The following PPP3CA variants were observed in gnomAD, a reference collection of about 807,000 sequenced individuals.
PPP3CA encodes protein phosphatase 3 catalytic subunit alpha.
PPP3CA carries 14 observed loss-of-function variants against 66.5 expected under a neutral mutation model. The ratio of observed to expected loss-of-function variants is 0.21; its 90% CI spans 0.14 to 0.33. The LOEUF (loss-of-function observed/expected upper bound fraction) is 0.33. PPP3CA is among the 10% of genes least tolerant of loss of function. PPP3CA has a pLI of 1.00. For synonymous variants in PPP3CA, 232 were observed against 226.2 expected, an observed-to-expected ratio of 1.03 and a Z score of -0.23; for missense variants, 317 against 639.5, an observed-to-expected ratio of 0.50 and a Z score of 5.44.
intron 1 of PPP3CA, among the ~76,000 whole-genome samples, chr4:101,286,395 C>G: frequency 6.6e-6 from 1 of 152,228 alleles, no homozygotes. Context: ...TTGAGACACC[C>G]GACTCCTTTA....
At chr4:101,309,492 T>C (rs992174153) in intron 1 of PPP3CA, among the ~76,000 whole-genome samples, 2 of 151,806 alleles carry the variant, frequency 1.3e-5, no homozygotes, top group African/African-American at 2.4e-5. Context: ...TGGGGGGTGG[T>C]AGAGGGTGGG....
intron 10 of PPP3CA, among the ~76,000 whole-genome samples, chr4:101,050,113 G>T (rs1335597015): frequency 6.6e-6 from 1 of 152,090 alleles, no homozygotes; most frequent in Non-Finnish European, 1.5e-5. Context: ...CCCAAGTCAT[G>T]AGACTTTAAC....
intron 10 of PPP3CA, among the ~76,000 whole-genome samples, chr4:101,058,932 C>T (rs1424078281): frequency 1.3e-5 from 2 of 152,200 alleles, no homozygotes; most frequent in South Asian, 4.2e-4. Flanking sequence ...TTATTCTCTA[C>T]AGTATGTTAC....
At chr4:101,188,498 A>G (rs1724484757) in intron 2 of PPP3CA, among the ~76,000 whole-genome samples, 1 of 152,168 alleles carries the variant, frequency 6.6e-6, no homozygotes, top group African/African-American at 2.4e-5. Context: ...TACTTTTTCA[A>G]AATACATTTT....
chr4:101,134,878 A>G (rs1275648968), intron 2 of PPP3CA, among the ~76,000 whole-genome samples: 2 of 152,208 alleles, frequency 1.3e-5, no homozygotes, highest in Non-Finnish European at 2.9e-5. Flanking sequence ...GCACATATAT[A>G]CTGTGCAGCC....
At chr4:101,245,039 T>C (rs1305010268) in intron 1 of PPP3CA, among the ~76,000 whole-genome samples, 3 of 152,286 alleles carry the variant, frequency 2.0e-5, no homozygotes, top group South Asian at 4.1e-4. Context: ...AAAGAAATCT[T>C]GTGAAATTTA....
At chr4:101,097,892 T>C (rs1197879263) in intron 5 of PPP3CA, among the ~76,000 whole-genome samples, 2 of 152,302 alleles carry the variant, frequency 1.3e-5, no homozygotes, top group African/African-American at 4.8e-5. Context: ...TCAGTAAAAT[T>C]AATAAAATAT....
At chr4:101,059,539 T>C (rs1274907667) in intron 10 of PPP3CA, among the ~76,000 whole-genome samples, 1 of 152,192 alleles carries the variant, frequency 6.6e-6, no homozygotes, top group Non-Finnish European at 1.5e-5. Context: ...AGGTTTATTA[T>C]ACTTTTGCCT....
At chr4:101,087,571 A>C (rs1296412308) in intron 6 of PPP3CA, among the ~76,000 whole-genome samples, 1 of 152,116 alleles carries the variant, frequency 6.6e-6, no homozygotes, top group African/African-American at 2.4e-5. Flanking sequence ...ATCATACAGT[A>C]TCTACTGGTC....
At chr4:101,297,005 T>C (rs1728219232) in intron 1 of PPP3CA, among the ~76,000 whole-genome samples, 1 of 152,208 alleles carries the variant, frequency 6.6e-6, no homozygotes, top group Non-Finnish European at 1.5e-5. Flanking sequence ...TTTTAATATA[T>C]GCACAATTGA....
chr4:101,192,964 T>C, intron 2 of PPP3CA, among the ~76,000 whole-genome samples: 1 of 152,162 alleles, frequency 6.6e-6, no homozygotes, highest in East Asian at 1.9e-4. Flanking sequence ...AAAGATGAAA[T>C]GTAATAATCA....
chr4:101,129,506 GC>G (rs777876373), intron 2 of PPP3CA, among the ~76,000 whole-genome samples: 10 of 152,150 alleles, frequency 6.6e-5, no homozygotes, highest in Non-Finnish European at 1.5e-4. Flanking sequence ...GCTCTGGCTG[GC>G]ATCTGGTGGG....
chr4:101,173,814 G>A (rs1290964422), intron 2 of PPP3CA, among the ~76,000 whole-genome samples: 1 of 152,084 alleles, frequency 6.6e-6, no homozygotes, highest in Non-Finnish European at 1.5e-5. Context: ...ATTTTGGTAG[G>A]CCAAGGTAGG....
chr4:101,285,066 A>G (rs1727795647), intron 1 of PPP3CA, among the ~76,000 whole-genome samples: 2 of 152,062 alleles, frequency 1.3e-5, no homozygotes, highest in Non-Finnish European at 1.5e-5. Flanking sequence ...ACAAACCCAA[A>G]TACTGATGGG....
intron 2 of PPP3CA, among the ~76,000 whole-genome samples, chr4:101,144,297 C>T (rs1042698865): frequency 1.4e-4 from 22 of 152,298 alleles, no homozygotes; most frequent in African/African-American, 5.1e-4. Context: ...ATACTAAAAG[C>T]TTAAAGTACT....
chr4:101,213,992 TCCC>T (rs1415926858), intron 1 of PPP3CA, among the ~76,000 whole-genome samples: 1 of 152,056 alleles, frequency 6.6e-6, no homozygotes, highest in Non-Finnish European at 1.5e-5. Flanking sequence ...GCTCCCATCT[TCCC>T]CCCACTTTCA....
intron 1 of PPP3CA, among the ~76,000 whole-genome samples, chr4:101,245,030 A>G (rs926019283): frequency 2.6e-4 from 40 of 152,204 alleles, no homozygotes; most frequent in African/African-American, 9.6e-4. Context: ...GTATATTTCA[A>G]AGAAATCTTG....
At chr4:101,177,761 A>G (rs1344731746) in intron 2 of PPP3CA, among the ~76,000 whole-genome samples, 1 of 152,042 alleles carries the variant, frequency 6.6e-6, no homozygotes, top group Admixed American at 6.6e-5. Context: ...AAGGGCAAAT[A>G]TGAAGTAAGT....
rs2695216 is a variant in PPP3CA at position 101,160,343 on chromosome 4, T to C, written c.259+35573A>G. Among the ~76,000 whole-genome samples the C allele has an allele frequency of 1.2e-3, 178 of 152,278 alleles. 2 individuals are homozygous for C. In the East Asian group the frequency reaches 0.029, roughly 24 times the overall value. On this transcript the variant is annotated intron_variant, in intron 2 of 13. Coordinates refer to ENST00000394854, the MANE Select transcript of PPP3CA (RefSeq NM_000944.5). The stretch of plus-strand genomic sequence containing the variant: ...TTTGGCTCACTTTAGGGAAATAACT[T>C]ATCCTTTTTGCCCCCATTTTTTCAT...
Sources: gnomAD v4.1 joint callset for allele counts (sites outside exome capture counted in the v4.1 genomes callset) on GRCh38, gnomAD v4.1.1 for gene constraint, MANE v1.5 for transcripts, NCBI Gene and HGNC (gene_info 2026-07-23, HGNC 2026-07-21) for gene names.